Variants in CALN1 observed in about 807,000 individuals in gnomAD.
The protein encoded by CALN1 is calneuron 1, also known as calcium-binding protein 8.
CALN1 carries 17 observed loss-of-function variants against 30.6 expected under a neutral mutation model. That is an observed-to-expected ratio of 0.56 (90% CI 0.38 to 0.83). The LOEUF (loss-of-function observed/expected upper bound fraction) is 0.83, where lower values mean the gene tolerates loss of function less well. Ranked by LOEUF, CALN1 falls within the 40% of genes least tolerant of loss-of-function variation. The probability of loss-of-function intolerance (pLI) is 0.00; values close to 1 mark genes in which losing one functional copy is unlikely to be tolerated. For synonymous variants in CALN1, 156 were observed against 131.4 expected, an observed-to-expected ratio of 1.19 and a Z score of -1.28; for missense variants, 291 against 354.9, an observed-to-expected ratio of 0.82 and a Z score of 1.45.
chr7:72,257,444 T>A (rs1795986664), intron 3 of CALN1, among the ~76,000 whole-genome samples: 1 of 143,972 alleles, frequency 6.9e-6, no homozygotes, highest in African/African-American at 2.7e-5. Context: ...TGGCCACAAT[T>A]TTAAAAATAA....
upstream of CALN1, among the ~76,000 whole-genome samples, chr7:72,417,259 C>T (rs141940555): frequency 9.9e-4 from 150 of 152,198 alleles, no homozygotes; most frequent in African/African-American, 3.4e-3. Context: ...TTGGGCAGAC[C>T]CCTGCGGTCT....
intron 5 of CALN1, among the ~76,000 whole-genome samples, chr7:71,917,508 G>A (rs921635199): frequency 6.6e-6 from 1 of 152,126 alleles, no homozygotes; most frequent in African/African-American, 2.4e-5. Flanking sequence ...TTCTCACACT[G>A]CTATAAAGAA....
intron 2 of CALN1, among the ~76,000 whole-genome samples, chr7:72,308,206 A>G (rs1799781800): frequency 6.6e-6 from 1 of 152,180 alleles, no homozygotes. Flanking sequence ...TCTACTAAAA[A>G]TACAAAAATT....
chr7:71,789,152 C>G (rs1419423230), intron 6 of CALN1, among the ~76,000 whole-genome samples: 2 of 151,910 alleles, frequency 1.3e-5, no homozygotes. Context: ...TGGTGGCTCT[C>G]ATGCCTGTAA....
Position 72,068,807 on chromosome 7 carries a change from A to AT in CALN1, c.388+37343dup, listed in dbSNP as rs568596117. Among the ~76,000 whole-genome samples the AT allele has an allele frequency of 5.9e-5, 9 of 152,180 alleles. No individual in the cohort carries two copies. The South Asian group carries it at 1.9e-3, about 32-fold the overall frequency. ...CACTGGGCCGGGCCTCATTTTGCAT[A>AT]TTTTTTGTTGGATTAATAATACTCA... On this transcript the variant is annotated intron_variant, in intron 4 of 6. Transcript: ENST00000395275.
intron 3 of CALN1, among the ~76,000 whole-genome samples, chr7:72,147,541 G>A (rs138176051): frequency 0.019 from 2,791 of 148,676 alleles, 92 homozygotes; most frequent in African/African-American, 0.067. Flanking sequence ...ACAGTGTTGC[G>A]ATTCCTCAGG....
In CALN1 at chr7:71,893,371, G is replaced by C. The variant is rs138895580; in HGVS notation, c.502-82879C>G. On this transcript the variant is annotated intron_variant, in intron 5 of 6. Transcript: ENST00000395275. ...AGGTGGAGAAACCCTATTTTAAACT[G>C]AAGTGTACAATCTAGTTGAAATAAG... Among the ~76,000 whole-genome samples, 220 of 152,214 alleles carry C rather than the reference G, an allele frequency of 1.4e-3. 3 individuals are homozygous for C. The highest frequency in any genetic ancestry group is 6.8e-3 in the Middle Eastern group (2 of 294).
intron 3 of CALN1, among the ~76,000 whole-genome samples, chr7:72,180,866 G>A (rs1372138785): frequency 5.3e-5 from 8 of 151,992 alleles, no homozygotes; most frequent in Non-Finnish European, 1.5e-5. Context: ...GGGAGGCCAA[G>A]AAGGGCGGAT....
chr7:72,198,034 G>C (rs996878038), intron 3 of CALN1, among the ~76,000 whole-genome samples: 5 of 152,140 alleles, frequency 3.3e-5, no homozygotes, highest in Admixed American at 1.3e-4. Flanking sequence ...CTTTGGAGGG[G>C]AAGTGCCTAG....
chr7:71,948,238 G>T (rs539869603), intron 5 of CALN1, among the ~76,000 whole-genome samples: 96 of 15,886 alleles, frequency 6.0e-3, no homozygotes, highest in African/African-American at 0.022. Context: ...GTTCTGAGTG[G>T]GGGGGAAGAG....
At chr7:72,251,809 T>C (rs1305205574) in intron 3 of CALN1, among the ~76,000 whole-genome samples, 2 of 152,180 alleles carry the variant, frequency 1.3e-5, no homozygotes, top group African/African-American at 4.8e-5. Context: ...ATCCTGGTTG[T>C]AATACAGTAC....
At chr7:72,217,639 T>C (rs754324280) in intron 3 of CALN1, among the ~76,000 whole-genome samples, 18 of 151,864 alleles carry the variant, frequency 1.2e-4, no homozygotes, top group Non-Finnish European at 2.1e-4. Context: ...CAGGCATCTC[T>C]AGGGTCCAAA....
intron 6 of CALN1, among the ~76,000 whole-genome samples, chr7:71,795,641 C>A (rs1006794953): frequency 2.0e-5 from 3 of 152,098 alleles, no homozygotes; most frequent in Non-Finnish European, 4.4e-5. Flanking sequence ...TCATTCCGCT[C>A]GCTCTGCAGC....
intron 2 of CALN1, among the ~76,000 whole-genome samples, chr7:72,287,613 A>G (rs1798175857): frequency 6.6e-6 from 1 of 151,600 alleles, no homozygotes; most frequent in East Asian, 1.9e-4. Context: ...CGCACGGCTA[A>G]TTTTTTGTAT....
In CALN1 at chr7:71,810,306, C is replaced by T. The variant is rs562025252; in HGVS notation, c.658+30G>A. On this transcript the variant is annotated intron_variant, in intron 6 of 6. Coordinates refer to ENST00000395275, the MANE Select transcript of CALN1 (RefSeq NM_031468.4). ...TGTGGTGCATTGGCCTGTCCCGGAC[C>T]GGGGAGGGGATGGCAGCAGGGGCAC... is the stretch of plus-strand genomic sequence containing the variant. The T allele has an allele frequency of 5.6e-6, 9 of 1,608,588 alleles. No homozygotes were observed. The East Asian group carries it at 6.7e-5, about 12-fold the overall frequency.
At chr7:72,238,364 G>A (rs1181072614) in intron 3 of CALN1, among the ~76,000 whole-genome samples, 3 of 151,734 alleles carry the variant, frequency 2.0e-5, no homozygotes, top group Non-Finnish European at 4.4e-5. Context: ...AGAAATTCAT[G>A]GTATAATGAA....
intron 3 of CALN1, among the ~76,000 whole-genome samples, chr7:72,271,513 C>T (rs1437894369): frequency 2.8e-5 from 4 of 140,546 alleles, no homozygotes; most frequent in East Asian, 2.1e-4. Context: ...CCTCCCTCCT[C>T]GGCCTCATGA....
At chr7:71,868,088 T>C (rs1455578579) in intron 5 of CALN1, among the ~76,000 whole-genome samples, 1 of 152,234 alleles carries the variant, frequency 6.6e-6, no homozygotes, top group Non-Finnish European at 1.5e-5. Flanking sequence ...TGCTTTGAAA[T>C]ATTTATGCTT....
intron 5 of CALN1, among the ~76,000 whole-genome samples, chr7:72,014,998 T>C (rs1294136552): frequency 6.6e-6 from 1 of 152,162 alleles, no homozygotes; most frequent in African/African-American, 2.4e-5. Flanking sequence ...AATCTAATAG[T>C]ATAAGTTAGT....
Sources: allele counts gnomAD v4.1 joint callset (sites outside exome capture counted in the v4.1 genomes callset), GRCh38; gene constraint gnomAD v4.1.1; transcripts MANE v1.5; gene names NCBI Gene and HGNC (gene_info 2026-07-23, HGNC 2026-07-21).